CLIP2: variants seen among roughly 807,000 people sequenced by gnomAD.
CLIP2 encodes the protein CAP-Gly domain-containing linker protein 2.
A neutral mutation model predicts 111.7 loss-of-function variants in CLIP2; 41 were observed. The observed-to-expected ratio is 0.37, with a 90% CI of 0.29 to 0.48. The LOEUF is 0.48. Among genes scored for constraint, CLIP2 ranks in the 20% least tolerant of loss-of-function variants. The pLI, the probability that CLIP2 is intolerant of heterozygous loss-of-function variation, is 0.99. For synonymous variants in CLIP2, 660 were observed against 644.2 expected (o/e 1.02, Z -0.37); for missense variants, 1,160 against 1,422.1 (o/e 0.82, Z 2.96).
chr7:74,386,500 C>T (rs371429973), intron 11 of CLIP2, 21 bp from the exon 12 acceptor site: 20 of 1,604,110 alleles, frequency 1.2e-5, no homozygotes, highest in Middle Eastern at 1.6e-4. Flanking sequence ...TGATGCTTCT[C>T]GTCTCTCCTC....
In CLIP2 at chr7:74,349,454, A is replaced by ATG. The variant is rs782788165; in HGVS notation, c.679-4410_679-4409dup. Among the ~76,000 whole-genome samples the ATG allele has an allele frequency of 5.5e-3, 329 of 60,028 alleles. 6 individuals carry two copies. Among genetic ancestry groups the ATG allele is most frequent in the African/African-American group, 9.3e-3 (166 of 17,840 alleles). 39.4% of individuals were successfully genotyped at this position (60,028 alleles called of 152,430 possible). A position where few individuals can be genotyped will look rare whatever the true frequency, so the allele number is the denominator to read the frequency against. On this transcript the variant is annotated intron_variant, in intron 3 of 16. Transcript: ENST00000223398. Reference sequence around the variant, plus strand: ...CAAAAAAAAAAAAAAAAAAGTATGTATGTGTGTGTGTGTGTGTATATATAT... The same window carrying ATG: ...CAAAAAAAAAAAAAAAAAAGTATGTATGTGTGTGTGTGTGTGTGTATATATAT...
At position 74,360,157 on chromosome 7, in the gene CLIP2, C is replaced by G. The variant is rs782624222; in HGVS notation, c.1216-18C>G. 6.3e-7 allele frequency: 1 copy of G among 1,580,526 alleles called. No homozygotes were observed. The highest frequency in any genetic ancestry group is 1.2e-5 in the South Asian group (1 of 86,582). On this transcript the variant is annotated intron_variant, in intron 6 of 16. Transcript: ENST00000223398. ...CCGGAGCATGCTGACCCTGTCCTGGCCTTCCTTGGGGGCCCAGTATGTTGC... is the reference window on the plus strand; with the variant it reads ...CCGGAGCATGCTGACCCTGTCCTGGGCTTCCTTGGGGGCCCAGTATGTTGC...
chr7:74,304,910 A>C (rs1788434078), intron 1 of CLIP2, among the ~76,000 whole-genome samples: 1 of 152,084 alleles, frequency 6.6e-6, no homozygotes, highest in East Asian at 1.9e-4. Context: ...GCATCACTAC[A>C]CTCTTGCCTG....
At chr7:74,316,390 A>G (rs782112297) in intron 1 of CLIP2, among the ~76,000 whole-genome samples, 5 of 151,938 alleles carry the variant, frequency 3.3e-5, no homozygotes, top group African/African-American at 7.2e-5. Context: ...GACTACAGGC[A>G]TGCGCCACCA....
chr7:74,394,106 C>T (rs1429676302), intron 13 of CLIP2, among the ~76,000 whole-genome samples: 1 of 152,152 alleles, frequency 6.6e-6, no homozygotes, highest in Non-Finnish European at 1.5e-5. Context: ...TCCCTGTCAT[C>T]TGAAGCCACA....
chr7:74,366,796 A>G (rs1172215730), intron 8 of CLIP2, among the ~76,000 whole-genome samples: 1 of 150,456 alleles, frequency 6.6e-6, no homozygotes, highest in East Asian at 2.0e-4. Flanking sequence ...GAATCACTTG[A>G]AATTGGGAGG....
At position 74,372,181 on chromosome 7, in the gene CLIP2, T is replaced by C. The variant is rs567156847; in HGVS notation, c.1381-751T>C. Among the ~76,000 whole-genome samples, 624 of 152,184 alleles carry C rather than the reference T, an allele frequency of 4.1e-3. 4 individuals carry two copies. Among genetic ancestry groups the C allele is most frequent in the Middle Eastern group, 0.014 (4 of 292 alleles). On this transcript the variant is annotated intron_variant, in intron 8 of 16. Transcript: ENST00000223398. The stretch of plus-strand genomic sequence containing the variant: ...GAGAATGCTGGCCTTTGTCAGCAGA[T>C]GAAGCAGATATTGTCGAGCTGGGAC...
At chr7:74,399,319 C>G (rs1411296943) in intron 14 of CLIP2, among the ~76,000 whole-genome samples, 5 of 151,992 alleles carry the variant, frequency 3.3e-5, no homozygotes, top group African/African-American at 4.8e-5. Context: ...GGGAGGATGG[C>G]TTGAGGTCAG....
chr7:74,295,989 CAAAA>C (rs368834820), intron 1 of CLIP2, among the ~76,000 whole-genome samples: 6 of 70,986 alleles, frequency 8.5e-5, no homozygotes, highest in East Asian at 4.2e-4. Flanking sequence ...ACCCTGTCTC[CAAAA>C]AAAAAAAAAA....
At chr7:74,314,598 G>A (rs1285699266) in intron 1 of CLIP2, among the ~76,000 whole-genome samples, 3 of 152,220 alleles carry the variant, frequency 2.0e-5, no homozygotes, top group Non-Finnish European at 2.9e-5. Flanking sequence ...GAGATTTCCT[G>A]TGTTTCCGAG....
chr7:74,371,364 A>G (rs1375953334), intron 8 of CLIP2, among the ~76,000 whole-genome samples: 2 of 151,582 alleles, frequency 1.3e-5, no homozygotes, highest in African/African-American at 4.8e-5. Context: ...CTACCAGTTC[A>G]GTGTGTAGGA....
intron 1 of CLIP2, among the ~76,000 whole-genome samples, chr7:74,309,155 C>T (rs1328626442): frequency 6.6e-6 from 1 of 151,928 alleles, no homozygotes; most frequent in Non-Finnish European, 1.5e-5. Context: ...AGGTATAAGC[C>T]ACTATGCCCG....
intron 1 of CLIP2, among the ~76,000 whole-genome samples, chr7:74,301,713 T>TG (rs1266172499): frequency 4.6e-5 from 4 of 86,098 alleles, no homozygotes; most frequent in Non-Finnish European, 1.1e-4. Context: ...TTGTTTGTTT[T>TG]GTTTTTTTTG....
intron 1 of CLIP2, among the ~76,000 whole-genome samples, chr7:74,290,671 G>A (rs1436970474): frequency 1.3e-5 from 2 of 152,230 alleles, no homozygotes; most frequent in Admixed American, 6.5e-5. Context: ...ACTCTTGCGC[G>A]ATGCCTGAGG....
intron 3 of CLIP2, among the ~76,000 whole-genome samples, chr7:74,342,952 G>T (rs372723998): frequency 1.5e-4 from 22 of 151,298 alleles, no homozygotes; most frequent in East Asian, 7.8e-4. Context: ...GGAGAATGGC[G>T]TGAACCTGGG....
Position 74,293,328 on chromosome 7 carries a change from C to T in CLIP2, c.-68+3594C>T, listed in dbSNP as rs949848702. Among the ~76,000 whole-genome samples, 13 of 152,270 alleles carry T rather than the reference C, an allele frequency of 8.5e-5. No homozygotes were observed. In the East Asian group the frequency reaches 1.5e-3, roughly 18 times the overall value. On this transcript the variant is annotated intron_variant, in intron 1 of 16. Coordinates refer to ENST00000223398, the MANE Select transcript of CLIP2 (RefSeq NM_003388.5). ...CTCTGGCTTTCCTCTCTGTGGACTG[C>T]GGTTTCATTTTTTCGGCCTCTCTCA... is the stretch of plus-strand genomic sequence containing the variant.
intron 2 of CLIP2, among the ~76,000 whole-genome samples, chr7:74,323,895 C>A (rs371686061): frequency 3.9e-5 from 6 of 152,264 alleles, no homozygotes; most frequent in African/African-American, 1.4e-4. Context: ...ACAACAAAAT[C>A]GCCTAATGAT....
At chr7:74,352,251 A>G (rs1165843973) in intron 3 of CLIP2, among the ~76,000 whole-genome samples, 1 of 152,154 alleles carries the variant, frequency 6.6e-6, no homozygotes, top group African/African-American at 2.4e-5. Flanking sequence ...CCTGGCCAAC[A>G]TGGTGAAACC....
intron 1 of CLIP2, among the ~76,000 whole-genome samples, chr7:74,294,605 A>AC (rs1264753865): frequency 4.6e-5 from 7 of 151,948 alleles, no homozygotes; most frequent in African/African-American, 1.7e-4. Flanking sequence ...TTTCAGCGTC[A>AC]CCCCCGTCAC....
Sources: gnomAD v4.1 joint callset for allele counts (sites outside exome capture counted in the v4.1 genomes callset) on GRCh38, gnomAD v4.1.1 for gene constraint, MANE v1.5 for transcripts, NCBI Gene and HGNC (gene_info 2026-07-23, HGNC 2026-07-21) for gene names.